Variants in TNFRSF19 observed in about 807,000 individuals in gnomAD.
TNFRSF19 encodes tumor necrosis factor receptor superfamily member 19.
Under a neutral mutation model 46.4 loss-of-function variants are expected in TNFRSF19, and 27 were observed. The ratio of observed to expected loss-of-function variants is 0.58; its 90% CI spans 0.43 to 0.80. The LOEUF (loss-of-function observed/expected upper bound fraction) is 0.80, where lower values mean the gene tolerates loss of function less well. Among genes scored for constraint, TNFRSF19 ranks in the 30% least tolerant of loss-of-function variants. The pLI, the probability that TNFRSF19 is intolerant of heterozygous loss-of-function variation, is 0.00. For synonymous variants in TNFRSF19, 204 were observed against 205.0 expected, an observed-to-expected ratio of 1.00 and a Z score of 0.04; for missense variants, 511 against 530.8, an observed-to-expected ratio of 0.96 and a Z score of 0.37.
intron 4 of TNFRSF19, among the ~76,000 whole-genome samples, chr13:23,625,058 G>A (rs7319699): frequency 0.7 from 105,681 of 151,950 alleles, 37,126 homozygotes; most frequent in Middle Eastern, 0.76. Flanking sequence ...GGCCACACAC[G>A]ACTATTTTTA....
chr13:23,672,182 T>C (rs1951771677), intron 9 of TNFRSF19, among the ~76,000 whole-genome samples: 1 of 152,248 alleles, frequency 6.6e-6, no homozygotes, highest in Non-Finnish European at 1.5e-5. Flanking sequence ...ATGATAGTTA[T>C]GGTTCCAGAT....
At chr13:23,669,241 TA>T in intron 9 of TNFRSF19, 144 bp downstream of exon 9, 1 of 1,405,884 alleles carries the variant, frequency 7.1e-7, no homozygotes, top group Non-Finnish European at 9.2e-7. Context: ...GAGTATGTTT[TA>T]AAATAAATTT....
At chr13:23,666,731 G>A (rs535562932) in intron 7 of TNFRSF19, among the ~76,000 whole-genome samples, 26 of 152,218 alleles carry the variant, frequency 1.7e-4, no homozygotes, top group African/African-American at 5.1e-4. Context: ...TTTGTTAAGC[G>A]GCAGTAAACC....
rs952504412 is a variant in TNFRSF19, at chr13:23,668,056, G to A, written c.813G>A (p.Val271=). The A allele has an allele frequency of 1.9e-6, 3 of 1,607,792 alleles. No homozygotes were observed. The highest frequency in any genetic ancestry group is 2.5e-6 in the Non-Finnish European group (3 of 1,177,380). Residue 271 remains valine, a synonymous_variant, in exon 8 of 10, where the codon GTG becomes GTA. Transcript: ENST00000248484. ...ACCCGGCGACTCTTGGTTGTGGGGT[G>A]CATTCTGCAGCCAGTCTTCAGGCAA... ...SPNPATLGCG[V]HSAASLQARN... is the part of the protein sequence containing the mutation.
rs1593274174 is a variant in TNFRSF19 at position 23,634,867 on chromosome 13, C to G, written c.445+8075C>G. Among the ~76,000 whole-genome samples, 14 of 152,264 alleles carry G rather than the reference C, an allele frequency of 9.2e-5. No homozygotes were observed. In the South Asian group the frequency reaches 2.9e-3, roughly 32 times the overall value. ...AACCAATGGATTGGGATCGTTTTGT[C>G]TTTAAACTTGGGTGTCTAGCCACTT... On this transcript the variant is annotated intron_variant, in intron 5 of 9. Transcript: ENST00000248484.
rs536603345 is a variant in TNFRSF19 at position 23,669,481 on chromosome 13, C to G, written c.1245+384C>G. ...ATATATATATTACTTATGCCCAATACTTAAATCTACTTCATTCACTGCCAA... is the reference window on the plus strand; with the variant it reads ...ATATATATATTACTTATGCCCAATAGTTAAATCTACTTCATTCACTGCCAA... On this transcript the variant is annotated intron_variant, in intron 9 of 9. Coordinates refer to ENST00000248484, the MANE Select transcript of TNFRSF19 (RefSeq NM_148957.4). 9 of 985,018 alleles carry G rather than the reference C, an allele frequency of 9.1e-6. No individual in the cohort carries two copies. In the African/African-American group the frequency reaches 1.2e-4, roughly 13 times the overall value. The allele number at this position is 985,018 out of a possible 1,614,324, so 61.0% of individuals were successfully genotyped here. A position where few individuals can be genotyped will look rare whatever the true frequency, so the allele number is the denominator to read the frequency against.
At chr13:23,609,044 G>A (rs1408635964) in intron 3 of TNFRSF19, among the ~76,000 whole-genome samples, 1 of 152,124 alleles carries the variant, frequency 6.6e-6, no homozygotes, top group Non-Finnish European at 1.5e-5. Context: ...TAAGCCCCAA[G>A]CAGCATCTCT....
intron 1 of TNFRSF19, among the ~76,000 whole-genome samples, chr13:23,581,754 T>G (rs901736497): frequency 6.6e-6 from 1 of 152,168 alleles, no homozygotes; most frequent in African/African-American, 2.4e-5. Context: ...TTTCACCTAT[T>G]GCAATCTCTG....
chr13:23,607,962 G>C (rs890168912), intron 3 of TNFRSF19, among the ~76,000 whole-genome samples: 1 of 152,064 alleles, frequency 6.6e-6, no homozygotes, highest in Non-Finnish European at 1.5e-5. Context: ...TTTTCCCAAG[G>C]TATCTGAGCA....
chr13:23,593,275 T>C, intron 2 of TNFRSF19, 70 bp from the exon 3 acceptor site: 2 of 862,848 alleles, frequency 2.3e-6, no homozygotes, highest in South Asian at 3.6e-5. Context: ...TTGAAAATAT[T>C]GTTCCTTTCT....
chr13:23,597,889 C>T (rs1014616615), intron 3 of TNFRSF19, among the ~76,000 whole-genome samples: 6 of 152,172 alleles, frequency 3.9e-5, no homozygotes, highest in Non-Finnish European at 8.8e-5. Context: ...CATCAAAAAG[C>T]TTATCCACCA....
At chr13:23,642,208 A>G (rs1289709836) in intron 5 of TNFRSF19, among the ~76,000 whole-genome samples, 8 of 152,192 alleles carry the variant, frequency 5.3e-5, no homozygotes, top group Admixed American at 4.6e-4. Flanking sequence ...CTTGAGGGCT[A>G]TGGGGACACA....
intron 3 of TNFRSF19, among the ~76,000 whole-genome samples, chr13:23,595,027 CTGTT>C (rs1229430724): frequency 6.6e-6 from 1 of 152,218 alleles, no homozygotes; most frequent in Non-Finnish European, 1.5e-5. Context: ...AAGGGCCTGA[CTGTT>C]TGTAGGAAAA....
intron 7 of TNFRSF19, among the ~76,000 whole-genome samples, chr13:23,667,120 G>GATATATATATATATATATAT (rs746299138): frequency 1.1e-5 from 1 of 87,680 alleles, no homozygotes; most frequent in East Asian, 2.8e-4. Flanking sequence ...AAATCAGAGT[G>GATATATATATATATATATAT]ATATATATAT....
At chr13:23,649,511 TG>T (rs1484438689) in intron 5 of TNFRSF19, among the ~76,000 whole-genome samples, 2 of 152,100 alleles carry the variant, frequency 1.3e-5, no homozygotes, top group Non-Finnish European at 2.9e-5. Flanking sequence ...AGTCAACTTT[TG>T]TTTTTTTCTT....
intron 5 of TNFRSF19, among the ~76,000 whole-genome samples, chr13:23,629,056 G>T (rs899583618): frequency 5.3e-5 from 8 of 149,956 alleles, no homozygotes; most frequent in Non-Finnish European, 1.0e-4. Flanking sequence ...TTTGTAAGGC[G>T]CCTTATGTTT....
chr13:23,598,453 C>G (rs894030409), intron 3 of TNFRSF19, among the ~76,000 whole-genome samples: 1 of 152,122 alleles, frequency 6.6e-6, no homozygotes, highest in African/African-American at 2.4e-5. Context: ...ACTTCTTTTT[C>G]TTAAAATGAA....
In TNFRSF19 at chr13:23,673,448, T is replaced by C; in HGVS notation, c.*68T>C. 1 of 1,558,244 alleles carries C rather than the reference T, an allele frequency of 6.4e-7. No homozygotes were observed. The highest frequency in any genetic ancestry group is 2.3e-5 in the East Asian group (1 of 43,224). On this transcript the variant is annotated 3_prime_UTR_variant, in exon 10 of 10. Coordinates refer to ENST00000248484, the MANE Select transcript of TNFRSF19 (RefSeq NM_148957.4). Reference sequence around the variant, plus strand: ...AAAGAGTACTCCTTTGTTAGGCTTATGGACTGAGCAGTCTGGACCTTGCAT... The same window carrying C: ...AAAGAGTACTCCTTTGTTAGGCTTACGGACTGAGCAGTCTGGACCTTGCAT...
intron 5 of TNFRSF19, among the ~76,000 whole-genome samples, chr13:23,645,390 C>T (rs1260396424): frequency 6.6e-6 from 1 of 151,898 alleles, no homozygotes. Flanking sequence ...TTAGTAGAGA[C>T]GGGTTTTCGC....
Sources: gnomAD v4.1 joint callset for allele counts (sites outside exome capture counted in the v4.1 genomes callset) on GRCh38, gnomAD v4.1.1 for gene constraint, MANE v1.5 for transcripts, NCBI Gene and HGNC (gene_info 2026-07-23, HGNC 2026-07-21) for gene names.